SORCS2: variants seen among roughly 807,000 people sequenced by gnomAD.
SORCS2 encodes the protein sortilin related VPS10 domain containing receptor 2.
SORCS2 carries 100 observed loss-of-function variants against 141.6 expected under a neutral mutation model. The observed-to-expected ratio is 0.71, with a 90% confidence interval of 0.60 to 0.83. The LOEUF is 0.83. Ranked by LOEUF, SORCS2 falls within the 40% of genes least tolerant of loss-of-function variation. The probability of loss-of-function intolerance (pLI) is 0.00; values close to 1 mark genes in which losing one functional copy is unlikely to be tolerated. For missense variants in SORCS2, 1,646 were observed against 1,560.2 expected (o/e 1.05, Z -0.93); for synonymous variants, 789 against 676.9 (o/e 1.17, Z -2.57).
At chr4:7,264,228 G>C (rs1452885318) in intron 1 of SORCS2, among the ~76,000 whole-genome samples, 1 of 152,244 alleles carries the variant, frequency 6.6e-6, no homozygotes, top group African/African-American at 2.4e-5. Flanking sequence ...AGTCATCAGA[G>C]GGCAGGTATT....
intron 4 of SORCS2, among the ~76,000 whole-genome samples, chr4:7,651,598 A>G (rs1721452727): frequency 6.6e-6 from 1 of 152,234 alleles, no homozygotes; most frequent in East Asian, 1.9e-4. Flanking sequence ...GAAACAGCGA[A>G]TGAGACACAG....
chr4:7,596,884 A>T (rs1560414279), intron 3 of SORCS2, among the ~76,000 whole-genome samples: 1 of 152,176 alleles, frequency 6.6e-6, no homozygotes, highest in Non-Finnish European at 1.5e-5. Flanking sequence ...AAGCAGCCAC[A>T]TTCAGATCAT....
At chr4:7,393,587 C>G (rs1342881170) in intron 1 of SORCS2, among the ~76,000 whole-genome samples, 2 of 152,122 alleles carry the variant, frequency 1.3e-5, no homozygotes, top group African/African-American at 4.8e-5. Context: ...GAAGCGCTCT[C>G]TGCTTTAGTT....
At chr4:7,309,888 C>G (rs1372191207) in intron 1 of SORCS2, among the ~76,000 whole-genome samples, 1 of 152,178 alleles carries the variant, frequency 6.6e-6, no homozygotes, top group Admixed American at 6.5e-5. Context: ...GTTCTGCGAG[C>G]TTATGCCCTC....
At chr4:7,524,470 G>A (rs762219861) in intron 2 of SORCS2, among the ~76,000 whole-genome samples, 4 of 152,086 alleles carry the variant, frequency 2.6e-5, no homozygotes, top group African/African-American at 4.8e-5. Context: ...CTCAACTCAC[G>A]CCCTGGCCCT....
At chr4:7,530,306 G>A (rs924045082) in intron 2 of SORCS2, among the ~76,000 whole-genome samples, 5 of 152,208 alleles carry the variant, frequency 3.3e-5, no homozygotes, top group African/African-American at 4.8e-5. Flanking sequence ...AGTGCAGGCC[G>A]GGCTCAGAGC....
At chr4:7,645,502 GGTGTGTGA>G (rs1250639596) in intron 4 of SORCS2, among the ~76,000 whole-genome samples, 1 of 145,636 alleles carries the variant, frequency 6.9e-6, no homozygotes, top group African/African-American at 2.8e-5. Flanking sequence ...AGTGTGTGTG[GGTGTGTGA>G]GTGTGAAGTG....
intron 3 of SORCS2, among the ~76,000 whole-genome samples, chr4:7,613,681 C>T (rs1053326322): frequency 7.2e-5 from 11 of 152,224 alleles, no homozygotes; most frequent in African/African-American, 2.4e-4. Context: ...ACTCTCTCAT[C>T]GATTTCCTAG....
chr4:7,677,986 G>T lies in SORCS2; in HGVS notation c.1341+1757G>T, dbSNP rs189004553. Reference sequence around the variant, plus strand: ...GGAAGGGTGCCAAGAACAGGGTGGGGTGGGACTCCACGGCCAACCTGTCCA... The same window carrying T: ...GGAAGGGTGCCAAGAACAGGGTGGGTTGGGACTCCACGGCCAACCTGTCCA... On this transcript the variant is annotated intron_variant, in intron 9 of 26. Transcript: ENST00000507866. 2.6e-5 allele frequency among the ~76,000 whole-genome samples: 4 copies of T among 152,322 alleles called. No homozygotes were observed. The East Asian group carries it at 5.8e-4, about 22-fold the overall frequency.
At chr4:7,368,161 A>G (rs1722018938) in intron 1 of SORCS2, among the ~76,000 whole-genome samples, 2 of 152,208 alleles carry the variant, frequency 1.3e-5, no homozygotes, top group Non-Finnish European at 2.9e-5. Flanking sequence ...ATCCTGTTCC[A>G]AAACCGGGTG....
rs1722280500 is a variant in SORCS2 at position 7,663,128 on chromosome 4, G to A, written c.953-1225G>A. On this transcript the variant is annotated intron_variant, in intron 6 of 26. Coordinates refer to ENST00000507866, the MANE Select transcript of SORCS2 (RefSeq NM_020777.3). The surrounding 1 kb of genome is among the most constrained non-coding windows in gnomAD (Gnocchi z 4.8). ...TGAATGAGAGAATGAGTGAGTGGGT[G>A]AATAAGTGAGTGAGTAATTGAAAGA... Among the ~76,000 whole-genome samples, 1 of 151,978 alleles carries A rather than the reference G, an allele frequency of 6.6e-6. No homozygotes were observed.
chr4:7,328,343 G>A (rs1719421330), intron 1 of SORCS2, among the ~76,000 whole-genome samples: 1 of 152,102 alleles, frequency 6.6e-6, no homozygotes, highest in Non-Finnish European at 1.5e-5. Flanking sequence ...GCCCGTGCTA[G>A]GCTTCTGATA....
intron 2 of SORCS2, among the ~76,000 whole-genome samples, chr4:7,451,356 G>A (rs916605794): frequency 1.3e-5 from 2 of 152,270 alleles, no homozygotes; most frequent in Non-Finnish European, 2.9e-5. Flanking sequence ...CCGAGGCCAA[G>A]CCACTGCCCT....
intron 2 of SORCS2, among the ~76,000 whole-genome samples, chr4:7,405,442 A>G (rs1292759606): frequency 6.6e-6 from 1 of 152,052 alleles, no homozygotes; most frequent in African/African-American, 2.4e-5. Context: ...TTGCTTTGGA[A>G]TGTATGGTCA....
At chr4:7,736,110 T>G (rs1712146781) in intron 25 of SORCS2, among the ~76,000 whole-genome samples, 1 of 152,262 alleles carries the variant, frequency 6.6e-6, no homozygotes, top group Admixed American at 6.5e-5. Context: ...CCTGAGGCTT[T>G]AGGCTCTGGT....
At chr4:7,234,637 C>G (rs1712135902) in intron 1 of SORCS2, among the ~76,000 whole-genome samples, 2 of 152,166 alleles carry the variant, frequency 1.3e-5, no homozygotes, top group Admixed American at 6.5e-5. Flanking sequence ...TAGGCGGCCT[C>G]CCTGGCCATT....
At chr4:7,325,381 T>G (rs1204687266) in intron 1 of SORCS2, among the ~76,000 whole-genome samples, 1 of 152,134 alleles carries the variant, frequency 6.6e-6, no homozygotes, top group Non-Finnish European at 1.5e-5. Flanking sequence ...GCCCAGCACA[T>G]CACAGACCCC....
chr4:7,385,801 C>G (rs12503904), intron 1 of SORCS2, among the ~76,000 whole-genome samples: 24,836 of 152,236 alleles, frequency 0.16, 2,162 homozygotes, highest in Admixed American at 0.22. Context: ...CACTGCCAAG[C>G]CAGCCTTGGC....
Position 7,703,391 on chromosome 4 carries a change from C to G in SORCS2, c.1760+20C>G, listed in dbSNP as rs376619507. The stretch of plus-strand genomic sequence containing the variant: ...CCTCAAGTAATGGCGTCTGCTAGCC[C>G]CGGGGCAGGGAGGGCAGGCTGGGGC... On this transcript the variant is annotated intron_variant, in intron 13 of 26. Transcript: ENST00000507866. 88 of 1,604,066 alleles carry G rather than the reference C, an allele frequency of 5.5e-5. No individual in the cohort carries two copies. The highest frequency in any genetic ancestry group is 7.2e-5 in the Non-Finnish European group (85 of 1,174,702).
Sources: gnomAD v4.1 joint callset for allele counts (sites outside exome capture counted in the v4.1 genomes callset) on GRCh38, gnomAD v4.1.1 for gene constraint, Gnocchi (gnomAD v3.1) non-coding constraint, MANE v1.5 for transcripts, NCBI Gene and HGNC (gene_info 2026-07-23, HGNC 2026-07-21) for gene names.